The following IFT80 variants were observed in gnomAD, a reference collection of about 807,000 sequenced individuals.
IFT80 encodes the protein intraflagellar transport 80.
In IFT80, 79 loss-of-function variants were observed where a neutral mutation model predicts 107.9. The observed-to-expected ratio is 0.73, with a 90% CI of 0.61 to 0.88. IFT80 has a LOEUF of 0.88. Among genes scored for constraint, IFT80 ranks in the 40% least tolerant of loss-of-function variants. The pLI is 0.00. For missense variants in IFT80, 797 were observed against 914.2 expected (o/e 0.87, Z 1.65); for synonymous variants, 299 against 300.9 (o/e 0.99, Z 0.07).
chr3:160,367,412 T>G (rs1721941844), intron 5 of IFT80, among the ~76,000 whole-genome samples: 1 of 152,160 alleles, frequency 6.6e-6, no homozygotes, highest in Admixed American at 6.6e-5. Flanking sequence ...TACCTGATGC[T>G]ACAACAGGCA....
At chr3:160,396,872 T>C (rs1278395619) in intron 1 of IFT80, among the ~76,000 whole-genome samples, 1 of 152,192 alleles carries the variant, frequency 6.6e-6, no homozygotes, top group Non-Finnish European at 1.5e-5. Context: ...CTTATTTTTG[T>C]GGTATATATA....
At chr3:160,352,893 G>T (rs559498572) in intron 8 of IFT80, among the ~76,000 whole-genome samples, 1 of 152,054 alleles carries the variant, frequency 6.6e-6, no homozygotes, top group Admixed American at 6.6e-5. Context: ...TCAGGCCAAC[G>T]TCATCATTTT....
At chr3:160,288,930 C>A (rs1430130705) in intron 12 of IFT80, among the ~76,000 whole-genome samples, 1 of 152,168 alleles carries the variant, frequency 6.6e-6, no homozygotes, top group Non-Finnish European at 1.5e-5. Flanking sequence ...ACAGAACTAC[C>A]ATTCAACCCA....
chr3:160,269,842 T>C (rs572742233), intron 18 of IFT80, among the ~76,000 whole-genome samples: 28 of 152,224 alleles, frequency 1.8e-4, no homozygotes, highest in African/African-American at 6.3e-4. Context: ...GTTCTCTTGC[T>C]TTCTAATATG....
intron 8 of IFT80, among the ~76,000 whole-genome samples, chr3:160,352,632 T>A (rs1338554115): frequency 6.6e-6 from 1 of 152,184 alleles, no homozygotes; most frequent in African/African-American, 2.4e-5. Context: ...TTGCAAATAG[T>A]GCCCAAGAAT....
intron 1 of IFT80, among the ~76,000 whole-genome samples, chr3:160,393,849 GA>G (rs1217915338): frequency 2.0e-5 from 3 of 152,156 alleles, no homozygotes; most frequent in African/African-American, 7.2e-5. Flanking sequence ...GTGAAGAATA[GA>G]TAAGAAATTC....
chr3:160,362,479 A>T (rs1721564049), intron 6 of IFT80, among the ~76,000 whole-genome samples: 1 of 152,250 alleles, frequency 6.6e-6, no homozygotes, highest in East Asian at 1.9e-4. Context: ...AAATTATTCC[A>T]ATCAATAGAA....
At chr3:160,359,852 A>G (rs1325254407) in intron 6 of IFT80, among the ~76,000 whole-genome samples, 3 of 152,230 alleles carry the variant, frequency 2.0e-5, no homozygotes, top group Admixed American at 6.5e-5. Flanking sequence ...TCTGTAGGTC[A>G]CCAACATCAA....
chr3:160,382,732 T>C lies in IFT80; in HGVS notation c.38-1008A>G, dbSNP rs191026390. On this transcript the variant is annotated intron_variant, in intron 2 of 19. Coordinates refer to ENST00000326448, the MANE Select transcript of IFT80 (RefSeq NM_020800.3). ...TTCCTTCTTTTCTCACCAATACTTT[T>C]ACTGTCTTATCTGAGCAATAATACA... is the stretch of plus-strand genomic sequence containing the variant. Among the ~76,000 whole-genome samples the C allele has an allele frequency of 7.9e-5, 12 of 152,342 alleles. No homozygotes were observed. The East Asian group carries it at 2.1e-3, about 27-fold the overall frequency.
In IFT80 at chr3:160,258,626, C is replaced by T; in HGVS notation, c.2233G>A (p.Asp745Asn). The change falls in exon 20 of 20, where the codon GAT (aspartate) becomes AAT (asparagine). Residue 745 changes from aspartate (D) to asparagine (N), a missense_variant. Physicochemically the swap from Asp to Asn is conservative, Grantham distance 23. Coordinates refer to ENST00000326448, the MANE Select transcript of IFT80 (RefSeq NM_020800.3). ...YLHYAEGLQIDWEKIKAKIEM... is the reference protein window; with the variant it reads ...YLHYAEGLQINWEKIKAKIEM... ...ATTTTGGCTTTGATTTTCTCCCAAT[C>T]TATTTGGAGCTGCAATAGAAAAAAA... The T allele has an allele frequency of 1.2e-6, 2 of 1,608,554 alleles. No individual in the cohort carries two copies. Among genetic ancestry groups the T allele is most frequent in the Non-Finnish European group, 1.7e-6 (2 of 1,179,106 alleles).
At chr3:160,354,799 G>C (rs762571458) in intron 8 of IFT80, among the ~76,000 whole-genome samples, 116 of 152,234 alleles carry the variant, frequency 7.6e-4, no homozygotes, top group Non-Finnish European at 1.6e-3. Flanking sequence ...AGTGTTCAAT[G>C]TGAGTTGAAC....
chr3:160,266,786 A>G (rs957088483), intron 19 of IFT80, among the ~76,000 whole-genome samples: 7 of 152,216 alleles, frequency 4.6e-5, no homozygotes, highest in Non-Finnish European at 1.0e-4. Flanking sequence ...CTTTAAAATT[A>G]TACAATAAAC....
chr3:160,346,048 TTAAA>T (rs1301764626), intron 8 of IFT80, among the ~76,000 whole-genome samples: 1 of 152,022 alleles, frequency 6.6e-6, no homozygotes, highest in African/African-American at 2.4e-5. Flanking sequence ...AAAATTAAAG[TTAAA>T]TAAATAAAAA....
At chr3:160,354,720 A>G (rs1452154113) in intron 8 of IFT80, among the ~76,000 whole-genome samples, 1 of 152,218 alleles carries the variant, frequency 6.6e-6, no homozygotes, top group Non-Finnish European at 1.5e-5. Flanking sequence ...TAAGACAGAA[A>G]TCAAAGTATT....
chr3:160,363,755 G>A (rs1299383324), intron 6 of IFT80, among the ~76,000 whole-genome samples: 8 of 152,050 alleles, frequency 5.3e-5, no homozygotes, highest in Non-Finnish European at 8.8e-5. Context: ...CAAGAAATGG[G>A]GAAAGGATTC....
intron 8 of IFT80, among the ~76,000 whole-genome samples, chr3:160,329,426 G>A (rs1718920280): frequency 6.6e-6 from 1 of 151,998 alleles, no homozygotes; most frequent in Non-Finnish European, 1.5e-5. Context: ...CCTCTTGATG[G>A]GGCTCAGAAC....
In IFT80 at chr3:160,279,232, T is replaced by C. The variant is rs2108228989; in HGVS notation, c.1797A>G (p.Ser599=). ...AAAGTCTCACAGCATCTTCCCATTT[T>C]GAACTGCTTACATATTCATGGAGAA... ...PAILHEYVSS[S]KWEDAVRLCR... The change falls in exon 16 of 20, where the codon TCA becomes TCG. Residue 599 remains serine (S), a synonymous_variant. Coordinates refer to ENST00000326448, the MANE Select transcript of IFT80 (RefSeq NM_020800.3). 6.2e-7 allele frequency: 1 copy of C among 1,613,836 alleles called. No individual in the cohort carries two copies. The highest frequency in any genetic ancestry group is 8.5e-7 in the Non-Finnish European group (1 of 1,179,760).
intron 15 of IFT80, 33 bp from the exon 16 acceptor site, chr3:160,279,397 G>C: frequency 1.3e-6 from 2 of 1,585,248 alleles, no homozygotes; most frequent in Non-Finnish European, 1.7e-6. Flanking sequence ...ACAATTTAAA[G>C]TTGTATTCTG....
chr3:160,297,055 A>G (rs2108261754), intron 12 of IFT80, among the ~76,000 whole-genome samples: 1 of 152,298 alleles, frequency 6.6e-6, no homozygotes, highest in Non-Finnish European at 1.5e-5. Context: ...GATAATTCAT[A>G]GTTCTCTATT....
Sources: allele counts gnomAD v4.1 joint callset (sites outside exome capture counted in the v4.1 genomes callset), GRCh38; gene constraint gnomAD v4.1.1; transcripts MANE v1.5; gene names NCBI Gene and HGNC (gene_info 2026-07-23, HGNC 2026-07-21).